The following PALD1 variants were observed in gnomAD, a reference collection of about 807,000 sequenced individuals.
PALD1 encodes paladin.
In PALD1, 57 loss-of-function variants were observed where a neutral mutation model predicts 96.0. That is an observed-to-expected ratio of 0.59 (90% CI 0.48 to 0.74). The LOEUF is 0.74. Among genes scored for constraint, PALD1 ranks in the 30% least tolerant of loss-of-function variants. The probability of loss-of-function intolerance (pLI) is 0.00; values close to 1 mark genes in which losing one functional copy is unlikely to be tolerated. For synonymous variants in PALD1, 464 were observed against 473.6 expected, an observed-to-expected ratio of 0.98 and a Z score of 0.26; for missense variants, 1,063 against 1,143.7, an observed-to-expected ratio of 0.93 and a Z score of 1.02.
rs370383462 is a variant in PALD1, at chr10:70,563,802, T to C, written c.2263-562T>C. Among the ~76,000 whole-genome samples, 139 of 152,318 alleles carry C rather than the reference T, an allele frequency of 9.1e-4. 3 individuals are homozygous for C. The South Asian group carries it at 0.028, about 30-fold the overall frequency. ...GGGTGGATTGAGGGGAGGAGATTGA[T>C]GTGCGTCCACACGGCAGAGCCTCGA... On this transcript the variant is annotated intron_variant, in intron 18 of 19. Coordinates refer to ENST00000263563, the MANE Select transcript of PALD1 (RefSeq NM_014431.3).
chr10:70,472,348 C>T, the PALD1 span, among the ~76,000 whole-genome samples: 1 of 152,136 alleles, frequency 6.6e-6, no homozygotes, highest in African/African-American at 2.4e-5. Context: ...GCAACCTCTA[C>T]CTCCCGGGTT....
intron 1 of PALD1, among the ~76,000 whole-genome samples, chr10:70,488,230 C>T (rs1733003872): frequency 6.6e-6 from 1 of 152,064 alleles, no homozygotes; most frequent in Admixed American, 6.6e-5. Context: ...AAATGATCCT[C>T]CCACCTCAGC....
intron 18 of PALD1, among the ~76,000 whole-genome samples, chr10:70,563,218 G>A (rs1305843096): frequency 6.6e-6 from 1 of 152,110 alleles, no homozygotes; most frequent in African/African-American, 2.4e-5. Flanking sequence ...GGTGACAGGT[G>A]GCTTCCATAA....
intron 1 of PALD1, among the ~76,000 whole-genome samples, chr10:70,523,472 G>A (rs1846783112): frequency 6.6e-6 from 1 of 152,096 alleles, no homozygotes; most frequent in South Asian, 2.1e-4. Context: ...GTTTGATGAG[G>A]GCCGTTTGGG....
chr10:70,498,660 C>T (rs1255054004), intron 1 of PALD1, among the ~76,000 whole-genome samples: 2 of 151,538 alleles, frequency 1.3e-5, no homozygotes, highest in African/African-American at 4.9e-5. Context: ...GGCGCGGTGG[C>T]TCACGCCTGT....
intron 18 of PALD1, among the ~76,000 whole-genome samples, chr10:70,560,771 G>C (rs1265948627): frequency 1.3e-5 from 2 of 152,086 alleles, no homozygotes; most frequent in Non-Finnish European, 2.9e-5. Context: ...CAGTGCCCCG[G>C]CCACCTCTCC....
intron 19 of PALD1, among the ~76,000 whole-genome samples, chr10:70,566,159 G>T (rs569202113): frequency 3.3e-5 from 5 of 152,296 alleles, no homozygotes; most frequent in African/African-American, 1.2e-4. Flanking sequence ...CGGCAGGGCT[G>T]AGTGTCCAGG....
chr10:70,557,930 CTTTTT>C (rs781513750), intron 18 of PALD1, among the ~76,000 whole-genome samples: 1 of 92,882 alleles, frequency 1.1e-5, no homozygotes, highest in Admixed American at 1.4e-4. Context: ...TTGGCTCTTC[CTTTTT>C]TTTTTTTTTT....
At position 70,539,575 on chromosome 10, in the gene PALD1, C is replaced by T. The variant is rs1339704229; in HGVS notation, c.1726-5C>T. The stretch of plus-strand genomic sequence containing the variant: ...GCCTGTGTCCTCCCTCCTGCCCTTG[C>T]CCAGACCCTGGAGGCCCAGCTGAAG... On this transcript the variant is annotated splice_region_variant and splice_polypyrimidine_tract_variant and intron_variant, in intron 14 of 19. Coordinates refer to ENST00000263563, the MANE Select transcript of PALD1 (RefSeq NM_014431.3). The surrounding 1 kb of genome is among the most constrained non-coding windows in gnomAD (Gnocchi z 4.5). The T allele has an allele frequency of 1.2e-6, 2 of 1,604,258 alleles. No individual in the cohort carries two copies. The highest frequency in any genetic ancestry group is 1.7e-6 in the Non-Finnish European group (2 of 1,174,322).
At chr10:70,516,488 A>G (rs560519402) in intron 1 of PALD1, among the ~76,000 whole-genome samples, 7 of 152,274 alleles carry the variant, frequency 4.6e-5, no homozygotes, top group African/African-American at 1.7e-4. Context: ...AATAACATAT[A>G]TTATTTAACT....
At chr10:70,460,782 C>A in the PALD1 span, among the ~76,000 whole-genome samples, 3 of 152,160 alleles carry the variant, frequency 2.0e-5, no homozygotes, top group African/African-American at 4.8e-5. Flanking sequence ...CAGGCCGGGC[C>A]AGGTGGCTCA....
chr10:70,529,301 G>A lies in PALD1; in HGVS notation c.258G>A (p.Ser86=), dbSNP rs139090199. 2.9e-4 allele frequency: 451 copies of A among 1,573,546 alleles called. 4 individuals are homozygous for A. In the African/African-American group the frequency reaches 5.3e-3, roughly 19 times the overall value. The stretch of plus-strand genomic sequence containing the variant: ...CTCATTACACGTTGGGCCGGCTCTC[G>A]GACAACACCCCTGAGCACTACCTGG... ...LKAHYTLGRL[S]DNTPEHYLVQ... Residue 86 remains serine (S), a synonymous_variant, in exon 3 of 20, where the codon TCG becomes TCA. Coordinates refer to ENST00000263563, the MANE Select transcript of PALD1 (RefSeq NM_014431.3).
At chr10:70,468,760 G>A in the PALD1 span, among the ~76,000 whole-genome samples, 1 of 142,116 alleles carries the variant, frequency 7.0e-6, no homozygotes, top group Non-Finnish European at 1.5e-5. Context: ...GTTTTGAGAT[G>A]GAGTCTCGCT....
chr10:70,566,643 C>G lies in PALD1; in HGVS notation c.2481C>G (p.Ser827Arg). The change falls in exon 20 of 20, where the codon AGC becomes AGG. Residue 827 changes from serine (S) to arginine (R), a missense_variant. By Grantham distance (110) the Ser-to-Arg change is moderately radical. Transcript: ENST00000263563. Reference protein sequence around the residue: ...LNELGFPELESGEDQPFSRLR... With the variant: ...LNELGFPELERGEDQPFSRLR... Reference sequence around the variant, plus strand: ...AGCTGGGCTTCCCCGAGCTGGAGAGCGGGGAGGACCAGCCCTTCTCCAGGC... The same window carrying G: ...AGCTGGGCTTCCCCGAGCTGGAGAGGGGGGAGGACCAGCCCTTCTCCAGGC... The G allele has an allele frequency of 1.2e-6, 2 of 1,608,820 alleles. No homozygotes were observed. Among genetic ancestry groups the G allele is most frequent in the Non-Finnish European group, 1.7e-6 (2 of 1,177,916 alleles).
chr10:70,471,465 T>C, the PALD1 span, among the ~76,000 whole-genome samples: 1 of 152,232 alleles, frequency 6.6e-6, no homozygotes, highest in African/African-American at 2.4e-5. Context: ...TGTGGTCATC[T>C]TTGTCCATGT....
intron 1 of PALD1, among the ~76,000 whole-genome samples, chr10:70,516,455 G>A (rs1032084026): frequency 6.6e-6 from 1 of 152,230 alleles, no homozygotes; most frequent in Admixed American, 6.5e-5. Context: ...TTCAAATACA[G>A]ATGAATGAGT....
At chr10:70,507,182 A>G (rs998566284) in intron 1 of PALD1, among the ~76,000 whole-genome samples, 3 of 151,548 alleles carry the variant, frequency 2.0e-5, no homozygotes, top group African/African-American at 7.3e-5. Flanking sequence ...TAGATGGATC[A>G]CCTGAGATCG....
intron 1 of PALD1, among the ~76,000 whole-genome samples, chr10:70,503,565 C>T (rs1044894209): frequency 5.3e-5 from 8 of 152,122 alleles, no homozygotes; most frequent in South Asian, 2.1e-4. Context: ...ACCTGGGAGG[C>T]GGAGGCTGTG....
At chr10:70,506,293 C>G (rs1191445424) in intron 1 of PALD1, among the ~76,000 whole-genome samples, 1 of 152,204 alleles carries the variant, frequency 6.6e-6, no homozygotes, top group Non-Finnish European at 1.5e-5. Flanking sequence ...CCTTGTTCTA[C>G]TGAGACTCTA....
Sources: gnomAD v4.1 joint callset for allele counts (sites outside exome capture counted in the v4.1 genomes callset) on GRCh38, gnomAD v4.1.1 for gene constraint, Gnocchi (gnomAD v3.1) non-coding constraint, MANE v1.5 for transcripts, NCBI Gene and HGNC (gene_info 2026-07-23, HGNC 2026-07-21) for gene names.